The following PIWIL3 variants were observed in gnomAD, a reference collection of about 807,000 sequenced individuals.
PIWIL3 encodes piwi like RNA-mediated gene silencing 3.
A neutral mutation model predicts 109.7 loss-of-function variants in PIWIL3; 101 were observed. The ratio of observed to expected loss-of-function variants is 0.92; its 90% CI spans 0.78 to 1.09. PIWIL3 has a LOEUF of 1.09. Ranked by LOEUF, PIWIL3 falls within the 50% of genes least tolerant of loss-of-function variation. The pLI, the probability that PIWIL3 is intolerant of heterozygous loss-of-function variation, is 0.00. For missense variants in PIWIL3, 1,031 were observed against 1,072.6 expected (o/e 0.96, Z 0.54); for synonymous variants, 373 against 376.4 (o/e 0.99, Z 0.10).
intron 12 of PIWIL3, among the ~76,000 whole-genome samples, chr22:24,736,783 T>C (rs1287824829): frequency 6.6e-6 from 1 of 152,188 alleles, no homozygotes; most frequent in African/African-American, 2.4e-5. Flanking sequence ...GCACAGCAAC[T>C]GTGAGGCTTT....
At chr22:24,748,302 A>G (rs2147692532) in intron 12 of PIWIL3, among the ~76,000 whole-genome samples, 1 of 152,250 alleles carries the variant, frequency 6.6e-6, no homozygotes, top group Admixed American at 6.5e-5. Flanking sequence ...GTTGGAGGAG[A>G]ATGTGGGGAT....
chr22:24,733,096 C>T (rs755267474), intron 14 of PIWIL3, among the ~76,000 whole-genome samples: 1 of 152,158 alleles, frequency 6.6e-6, no homozygotes, highest in Non-Finnish European at 1.5e-5. Flanking sequence ...AGAATGCGTA[C>T]GGCTCACATA....
chr22:24,739,730 T>A (rs553493817), intron 12 of PIWIL3, among the ~76,000 whole-genome samples: 1 of 151,944 alleles, frequency 6.6e-6, no homozygotes, highest in African/African-American at 2.4e-5. Flanking sequence ...TGAGGAGCAA[T>A]AGGAATTCAT....
chr22:24,760,780 C>CAAA (rs61469163), intron 2 of PIWIL3, among the ~76,000 whole-genome samples: 615 of 40,954 alleles, frequency 0.015, 51 homozygotes, highest in African/African-American at 0.042. Flanking sequence ...AACTCTGTCT[C>CAAA]AAAAAAAAAA....
At chr22:24,754,318 G>C (rs1452432258) in intron 7 of PIWIL3, 101 bp from the exon 8 acceptor site, 5 of 873,066 alleles carry the variant, frequency 5.7e-6, no homozygotes, top group Non-Finnish European at 6.9e-6. Flanking sequence ...TTAGGAGTCA[G>C]TTTTAAGTAT....
At chr22:24,766,789 A>G (rs1925823320) in intron 1 of PIWIL3, among the ~76,000 whole-genome samples, 1 of 152,114 alleles carries the variant, frequency 6.6e-6, no homozygotes, top group South Asian at 2.1e-4. Context: ...TTGCACCATT[A>G]TCCTATAGAA....
intron 3 of PIWIL3, among the ~76,000 whole-genome samples, chr22:24,758,452 T>C (rs1269137683): frequency 1.3e-5 from 2 of 152,236 alleles, no homozygotes; most frequent in Admixed American, 6.5e-5. Context: ...CTATCCTTTC[T>C]ATTAAGAGCA....
intron 6 of PIWIL3, 71 bp from the exon 7 acceptor site, chr22:24,754,935 G>C (rs1425290157): frequency 7.6e-7 from 1 of 1,320,502 alleles, no homozygotes; most frequent in Admixed American, 1.8e-5. Context: ...AGACACATAA[G>C]GGAAAAAAAA....
intron 6 of PIWIL3, among the ~76,000 whole-genome samples, chr22:24,755,182 G>A (rs1343399527): frequency 1.3e-5 from 2 of 152,182 alleles, no homozygotes; most frequent in Non-Finnish European, 2.9e-5. Flanking sequence ...GAGTGTGGTG[G>A]CACAATCTCT....
chr22:24,723,208 A>T lies in PIWIL3; in HGVS notation c.2279T>A (p.Phe760Tyr). Reference protein sequence around the residue: ...IVVKKRINTRFFLKHGSNFQN... With the variant: ...IVVKKRINTRYFLKHGSNFQN... ...AAAATTGCTTCCATGTTTAAGAAAA[A>T]ATCTAGTGTTTATTCGTTTCTTCAC... Residue 760 changes from phenylalanine (F) to tyrosine (Y), a missense_variant, in exon 19 of 21, where the codon TTT becomes TAT. Phe to Tyr is a conservative substitution (Grantham distance 22). Coordinates refer to ENST00000616349, the MANE Select transcript of PIWIL3 (RefSeq NM_001255975.1). 1.2e-6 allele frequency: 2 copies of T among 1,610,870 alleles called. No homozygotes were observed. The highest frequency in any genetic ancestry group is 1.7e-6 in the Non-Finnish European group (2 of 1,177,308).
At chr22:24,750,937 A>G (rs896416730) in intron 9 of PIWIL3, among the ~76,000 whole-genome samples, 3 of 151,484 alleles carry the variant, frequency 2.0e-5, no homozygotes, top group African/African-American at 7.3e-5. Flanking sequence ...CAGCCTGACC[A>G]ATATGGTGAA....
At chr22:24,750,898 C>T (rs929853200) in intron 9 of PIWIL3, among the ~76,000 whole-genome samples, 5 of 150,966 alleles carry the variant, frequency 3.3e-5, no homozygotes, top group African/African-American at 4.9e-5. Flanking sequence ...CCAAGGCAGG[C>T]GGATCACCTG....
At chr22:24,740,404 C>T (rs977362776) in intron 12 of PIWIL3, among the ~76,000 whole-genome samples, 1 of 151,246 alleles carries the variant, frequency 6.6e-6, no homozygotes, top group African/African-American at 2.4e-5. Flanking sequence ...AAAAATTAGC[C>T]AGACATGGTG....
Position 24,719,424 on chromosome 22 carries a change from G to T in PIWIL3, c.*48C>A. On this transcript the variant is annotated 3_prime_UTR_variant, in exon 21 of 21. Coordinates refer to ENST00000616349, the MANE Select transcript of PIWIL3 (RefSeq NM_001255975.1). Reference sequence around the variant, plus strand: ...GACATCCTGCTTCAAAAGGAAGACAGGCTTACACGTTGTGGTTTCATTAGC... The same window carrying T: ...GACATCCTGCTTCAAAAGGAAGACATGCTTACACGTTGTGGTTTCATTAGC... 7.3e-7 allele frequency: 1 copy of T among 1,365,590 alleles called. No individual in the cohort carries two copies. Among genetic ancestry groups the T allele is most frequent in the Non-Finnish European group, 1.0e-6 (1 of 995,802 alleles). The allele number at this position is 1,365,590 out of a possible 1,614,324, so 84.6% of individuals were successfully genotyped here. A position where few individuals can be genotyped will look rare whatever the true frequency, so the allele number is the denominator to read the frequency against.
intron 2 of PIWIL3, among the ~76,000 whole-genome samples, chr22:24,761,408 CCAACTAAAAGTGAAGAGG>C (rs66816650): frequency 0.19 from 29,385 of 151,978 alleles, 3,151 homozygotes; most frequent in Admixed American, 0.31. Flanking sequence ...CTCAACTGTG[CCAACTAAAAGTGAAGAGG>C]CAAGTCTGAG....
rs141779684 is a variant in PIWIL3 at position 24,763,576 on chromosome 22, G to A, written c.-22-1055C>T. Reference sequence around the variant, plus strand: ...CAGCCTCCCAAAGTGCTGCGATTACGGGCGTGAACCACCGTGCTCGGCCAA... The same window carrying A: ...CAGCCTCCCAAAGTGCTGCGATTACAGGCGTGAACCACCGTGCTCGGCCAA... On this transcript the variant is annotated intron_variant, in intron 1 of 20. Coordinates refer to ENST00000616349, the MANE Select transcript of PIWIL3 (RefSeq NM_001255975.1). Among the ~76,000 whole-genome samples the A allele has an allele frequency of 4.6e-3, 695 of 152,100 alleles. 5 individuals carry two copies. The highest frequency in any genetic ancestry group is 0.016 in the African/African-American group (654 of 41,514).
Position 24,719,602 on chromosome 22 carries a change from A to G in PIWIL3, c.2506-14T>C. 1 of 1,568,006 alleles carries G rather than the reference A, an allele frequency of 6.4e-7. No homozygotes were observed. Among genetic ancestry groups the G allele is most frequent in the South Asian group, 1.2e-5 (1 of 83,392 alleles). Reference sequence around the variant, plus strand: ...TCGGATGATGCCCTTTAGTAGGAAAAGAAAATACACAACTAAATTTTTTTC... The same window carrying G: ...TCGGATGATGCCCTTTAGTAGGAAAGGAAAATACACAACTAAATTTTTTTC... On this transcript the variant is annotated splice_polypyrimidine_tract_variant and intron_variant, in intron 20 of 20. Coordinates refer to ENST00000616349, the MANE Select transcript of PIWIL3 (RefSeq NM_001255975.1).
Position 24,719,768 on chromosome 22 carries a change from G to C in PIWIL3, c.2485C>G (p.His829Asp). The change falls in exon 20 of 21, where the codon CAC (histidine) becomes GAC (aspartate). Residue 829 changes from histidine (H) to aspartate (D), a missense_variant. By Grantham distance (81) the His-to-Asp change is moderately conservative. Transcript: ENST00000616349. ...TVQRLTYCLC[H>D]MYYNLPGIIR... ...CTTACTGGCAAATTATAATACATGT[G>C]GCATAGACAATATGTTAAACGCTGT... 1 of 1,612,698 alleles carries C rather than the reference G, an allele frequency of 6.2e-7. No individual in the cohort carries two copies. Among genetic ancestry groups the C allele is most frequent in the Non-Finnish European group, 8.5e-7 (1 of 1,178,922 alleles).
In PIWIL3 at chr22:24,762,465, C is replaced by G. The variant is rs150056164; in HGVS notation, c.35G>C (p.Arg12Thr). The change falls in exon 2 of 21, where the codon AGA (arginine) becomes ACA (threonine). Residue 12 changes from arginine to threonine, a missense_variant. Coordinates refer to ENST00000616349, the MANE Select transcript of PIWIL3 (RefSeq NM_001255975.1). The part of the protein sequence containing the change: ...PGRARTRARG[R>T]ARRRESYQQE... ...TTGGTAGCTCTCCCTGCGGCGGGCT[C>G]TGCCTCGGGCGCGAGTCCTTGCCCT... is the stretch of plus-strand genomic sequence containing the variant. 2.5e-6 allele frequency: 4 copies of G among 1,613,944 alleles called. No homozygotes were observed. The highest frequency in any genetic ancestry group is 2.5e-6 in the Non-Finnish European group (3 of 1,179,924).
Sources: gnomAD v4.1 joint callset for allele counts (sites outside exome capture counted in the v4.1 genomes callset) on GRCh38, gnomAD v4.1.1 for gene constraint, MANE v1.5 for transcripts, NCBI Gene and HGNC (gene_info 2026-07-23, HGNC 2026-07-21) for gene names.